RYR2: variants seen among roughly 807,000 people sequenced by gnomAD.
The protein encoded by RYR2 is ryanodine receptor 2, also known as cardiac muscle ryanodine receptor-calcium release channel.
RYR2 carries 227 observed loss-of-function variants against 601.1 expected under a neutral mutation model. The observed-to-expected ratio is 0.38, with a 90% confidence interval of 0.34 to 0.42. The LOEUF is 0.42. RYR2 is among the 10% of genes least tolerant of loss of function. The pLI is 1.00. For missense variants in RYR2, 4,646 were observed against 6,156.5 expected (o/e 0.75, Z 8.21); for synonymous variants, 2,223 against 2,175.1 (o/e 1.02, Z -0.61).
At chr1:237,524,723 T>C (rs938687038) in intron 24 of RYR2, among the ~76,000 whole-genome samples, 1 of 151,914 alleles carries the variant, frequency 6.6e-6, no homozygotes, top group Non-Finnish European at 1.5e-5. Context: ...TATACATATA[T>C]ATATAGACAT....
intron 16 of RYR2, among the ~76,000 whole-genome samples, chr1:237,459,554 C>G (rs1224121999): frequency 6.6e-6 from 1 of 152,032 alleles, no homozygotes; most frequent in Non-Finnish European, 1.5e-5. Context: ...GTTCATTGGT[C>G]CCTTCAACAG....
chr1:237,089,830 G>A (rs565790440), intron 1 of RYR2, among the ~76,000 whole-genome samples: 65 of 152,274 alleles, frequency 4.3e-4, no homozygotes, highest in African/African-American at 1.4e-3. Context: ...ATTATTCTTA[G>A]ATAGTCTGCA....
intron 6 of RYR2, 136 bp from the exon 7 acceptor site, chr1:237,374,581 C>T (rs985349532): frequency 2.9e-6 from 2 of 687,470 alleles, no homozygotes; most frequent in African/African-American, 3.5e-5. Context: ...CTGCTTGAGC[C>T]CAGGAGGTTG....
At position 237,572,712 on chromosome 1, in the gene RYR2, A is replaced by C. The variant is rs564742525; in HGVS notation, c.3598+3393A>C. On this transcript the variant is annotated intron_variant, in intron 29 of 104. Transcript: ENST00000366574. ...CGTTTTGGTCTTCAAGGCAGGTTAT[A>C]AGCTTTATGTAGCAATAATCATTAA... is the stretch of plus-strand genomic sequence containing the variant. Among the ~76,000 whole-genome samples, 21 of 152,264 alleles carry C rather than the reference A, an allele frequency of 1.4e-4. No homozygotes were observed. The South Asian group carries it at 4.4e-3, about 32-fold the overall frequency.
chr1:237,678,000 G>A, intron 60 of RYR2, 48 bp from the exon 61 acceptor site: 1 of 1,067,046 alleles, frequency 9.4e-7, no homozygotes, highest in Non-Finnish European at 1.4e-6. Context: ...TGAATATCTT[G>A]CAATGTTTCC....
chr1:237,258,621 T>C (rs547835701), intron 1 of RYR2, among the ~76,000 whole-genome samples: 2 of 152,334 alleles, frequency 1.3e-5, no homozygotes, highest in African/African-American at 4.8e-5. Flanking sequence ...AAGAAAAGTG[T>C]TCAAGACTTT....
chr1:237,215,228 C>A (rs1467452006), intron 1 of RYR2, among the ~76,000 whole-genome samples: 5 of 152,104 alleles, frequency 3.3e-5, no homozygotes, highest in Admixed American at 3.3e-4. Context: ...TTGGCAGGAT[C>A]TGAGTGAGAT....
intron 2 of RYR2, among the ~76,000 whole-genome samples, chr1:237,309,723 C>CG (rs2149485578): frequency 6.6e-6 from 1 of 152,260 alleles, no homozygotes; most frequent in South Asian, 2.1e-4. Context: ...GAGCCCATGG[C>CG]CGGGGGGAGG....
intron 8 of RYR2, among the ~76,000 whole-genome samples, chr1:237,382,646 G>A (rs778930889): frequency 6.6e-6 from 1 of 151,232 alleles, no homozygotes; most frequent in Non-Finnish European, 1.5e-5. Context: ...CTATCGTTGC[G>A]ATAGTTTGCT....
At chr1:237,687,608 ATG>A in intron 63 of RYR2, 104 bp downstream of exon 63, 6 of 853,240 alleles carry the variant, frequency 7.0e-6, no homozygotes, top group Non-Finnish European at 1.2e-5. Flanking sequence ...GCATGTTTGC[ATG>A]GCTGCATGCA....
chr1:237,230,071 A>C (rs945369232), intron 1 of RYR2, among the ~76,000 whole-genome samples: 1 of 152,214 alleles, frequency 6.6e-6, no homozygotes, highest in Non-Finnish European at 1.5e-5. Flanking sequence ...AAAGGTGGAT[A>C]AAATGTGGAA....
chr1:237,171,892 C>T (rs758881098), intron 1 of RYR2, among the ~76,000 whole-genome samples: 9 of 152,178 alleles, frequency 5.9e-5, no homozygotes, highest in South Asian at 2.1e-4. Flanking sequence ...TTTTACCCAC[C>T]GGTCTTTCTG....
chr1:237,696,711 T>C (rs1012496873), intron 63 of RYR2, among the ~76,000 whole-genome samples: 7 of 150,500 alleles, frequency 4.7e-5, no homozygotes, highest in Non-Finnish European at 7.4e-5. Context: ...CACCATTCAG[T>C]GGTGCCGCCT....
intron 10 of RYR2, among the ~76,000 whole-genome samples, chr1:237,404,642 C>T (rs1267991430): frequency 6.6e-5 from 10 of 152,252 alleles, no homozygotes; most frequent in South Asian, 2.1e-4. Context: ...GGGTATATGA[C>T]GGACTTCATT....
intron 35 of RYR2, among the ~76,000 whole-genome samples, chr1:237,608,806 T>G (rs943314528): frequency 2.0e-5 from 3 of 150,854 alleles, no homozygotes; most frequent in Non-Finnish European, 4.4e-5. Flanking sequence ...GTTTTTTTTT[T>G]TTTTTTTTTT....
At chr1:237,432,266 A>T (rs1271783650) in intron 12 of RYR2, among the ~76,000 whole-genome samples, 1 of 152,122 alleles carries the variant, frequency 6.6e-6, no homozygotes, top group Non-Finnish European at 1.5e-5. Flanking sequence ...TATTCAAGGC[A>T]TTTAATATAT....
intron 37 of RYR2, 144 bp from the exon 38 acceptor site, chr1:237,617,142 C>A: frequency 1.3e-6 from 1 of 743,612 alleles, no homozygotes; most frequent in Non-Finnish European, 2.2e-6. Context: ...TGGGACCGAG[C>A]ACATTGCTGC....
At chr1:237,271,317 T>C (rs1689665419) in intron 2 of RYR2, among the ~76,000 whole-genome samples, 1 of 152,186 alleles carries the variant, frequency 6.6e-6, no homozygotes, top group African/African-American at 2.4e-5. Flanking sequence ...CCGAGGATAT[T>C]TATTCTTTTA....
chr1:237,482,351 C>T (rs529789540), intron 17 of RYR2, among the ~76,000 whole-genome samples: 121 of 152,122 alleles, frequency 8.0e-4, no homozygotes, highest in African/African-American at 2.9e-3. Context: ...CTCTAGAGCC[C>T]CCCACTACCC....
Sources: gnomAD v4.1 joint callset for allele counts (sites outside exome capture counted in the v4.1 genomes callset) on GRCh38, gnomAD v4.1.1 for gene constraint, MANE v1.5 for transcripts, NCBI Gene and HGNC (gene_info 2026-07-23, HGNC 2026-07-21) for gene names.